FRMD4A: variants seen among roughly 807,000 people sequenced by gnomAD.
FRMD4A encodes the protein FERM domain containing 4A, also known as FERM domain-containing protein 4A.
FRMD4A carries 29 observed loss-of-function variants against 129.1 expected under a neutral mutation model. That is an observed-to-expected ratio of 0.22 (90% confidence interval 0.17 to 0.31). The LOEUF (loss-of-function observed/expected upper bound fraction) is 0.31. Ranked by LOEUF, FRMD4A falls within the 10% of genes least tolerant of loss-of-function variation. The pLI, the probability that FRMD4A is intolerant of heterozygous loss-of-function variation, is 1.00. For synonymous variants in FRMD4A, 634 were observed against 571.6 expected (o/e 1.11, Z -1.56); for missense variants, 1,272 against 1,375.8 (o/e 0.92, Z 1.19).
intron 14 of FRMD4A, among the ~76,000 whole-genome samples, chr10:13,697,864 CAA>C (rs776434159): frequency 1.1e-4 from 17 of 152,182 alleles, no homozygotes; most frequent in Non-Finnish European, 2.2e-4. Context: ...TATTTTCCTG[CAA>C]AGTCTCTAAG....
chr10:14,219,689 T>G (rs79223788), intron 2 of FRMD4A, among the ~76,000 whole-genome samples: 1 of 152,120 alleles, frequency 6.6e-6, no homozygotes. Context: ...CTAAGCCCCA[T>G]GTAACACCTT....
chr10:14,288,287 G>T (rs539803347), intron 2 of FRMD4A, among the ~76,000 whole-genome samples: 11 of 152,180 alleles, frequency 7.2e-5, no homozygotes, highest in Non-Finnish European at 1.6e-4. Context: ...AATCTCCAAA[G>T]CCCTCTCAGA....
intron 5 of FRMD4A, among the ~76,000 whole-genome samples, chr10:13,787,683 T>A (rs908678734): frequency 6.6e-6 from 1 of 151,900 alleles, no homozygotes; most frequent in African/African-American, 2.4e-5. Flanking sequence ...GGTCTTGAAC[T>A]CCTGAGCTCA....
intron 2 of FRMD4A, among the ~76,000 whole-genome samples, chr10:14,177,362 G>A (rs933109411): frequency 2.0e-5 from 3 of 151,934 alleles, no homozygotes; most frequent in Non-Finnish European, 4.4e-5. Flanking sequence ...CAGTAGAGAT[G>A]GGGTTTCGCT....
At chr10:13,993,804 T>C (rs934434349) in intron 2 of FRMD4A, among the ~76,000 whole-genome samples, 1 of 151,622 alleles carries the variant, frequency 6.6e-6, no homozygotes, top group Non-Finnish European at 1.5e-5. Flanking sequence ...TGTATTCAAA[T>C]ATATTTTAAA....
intron 2 of FRMD4A, chr10:13,991,796 G>C (rs1206547119): frequency 6.6e-6 from 1 of 152,600 alleles, no homozygotes; most frequent in South Asian, 2.1e-4. Context: ...AGGATTCCAT[G>C]CTGCTTGGCA....
intron 6 of FRMD4A, among the ~76,000 whole-genome samples, chr10:13,781,369 T>G (rs894957208): frequency 8.5e-4 from 32 of 37,812 alleles, no homozygotes; most frequent in African/African-American, 4.1e-3. Flanking sequence ...TGGATGAACC[T>G]TTTTTTTTTT....
At chr10:14,032,765 C>A (rs976196553) in intron 2 of FRMD4A, among the ~76,000 whole-genome samples, 1 of 152,216 alleles carries the variant, frequency 6.6e-6, no homozygotes, top group South Asian at 2.1e-4. Flanking sequence ...TAGGAGCCAG[C>A]ATCCCTGGAC....
chr10:14,036,306 T>C (rs529082032), intron 2 of FRMD4A, among the ~76,000 whole-genome samples: 7 of 152,138 alleles, frequency 4.6e-5, no homozygotes, highest in Non-Finnish European at 8.8e-5. Context: ...GCCCCATCAT[T>C]AGTTCAGGGT....
chr10:13,699,244 T>TG lies in FRMD4A; in HGVS notation c.975+2095_975+2096insC, dbSNP rs753299608. ...TTATTGTTTTTTTTTTTTTTTTTTTTTTTTGTATTTTTAGTAAAGACTGGG... is the reference window on the plus strand; with the variant it reads ...TTATTGTTTTTTTTTTTTTTTTTTTTGTTTTGTATTTTTAGTAAAGACTGGG... On this transcript the variant is annotated intron_variant, in intron 14 of 24. Coordinates refer to ENST00000357447, the MANE Select transcript of FRMD4A (RefSeq NM_018027.5). Among the ~76,000 whole-genome samples the TG allele has an allele frequency of 5.4e-3, 779 of 145,076 alleles. 4 individuals are homozygous for TG. Among genetic ancestry groups the TG allele is most frequent in the African/African-American group, 0.017 (687 of 39,432 alleles).
intron 2 of FRMD4A, among the ~76,000 whole-genome samples, chr10:14,009,622 A>C (rs1235205229): frequency 6.6e-6 from 1 of 152,248 alleles, no homozygotes; most frequent in Non-Finnish European, 1.5e-5. Context: ...AAAGAGGCGA[A>C]GGGTGCCACG....
chr10:13,964,880 T>C (rs1301763368), intron 2 of FRMD4A, among the ~76,000 whole-genome samples: 2 of 151,990 alleles, frequency 1.3e-5, no homozygotes, highest in African/African-American at 4.8e-5. Context: ...GAGATGGGGT[T>C]TCACCATGTT....
At chr10:14,238,489 G>C (rs1363496448) in intron 2 of FRMD4A, among the ~76,000 whole-genome samples, 1 of 152,016 alleles carries the variant, frequency 6.6e-6, no homozygotes, top group Non-Finnish European at 1.5e-5. Context: ...CTTCCTTTTT[G>C]AGCAAGAAGC....
intron 2 of FRMD4A, among the ~76,000 whole-genome samples, chr10:14,204,272 T>A (rs997616439): frequency 2.0e-5 from 3 of 151,764 alleles, no homozygotes; most frequent in Admixed American, 6.6e-5. Context: ...TATAAAAAAA[T>A]ACAAAAATTA....
intron 2 of FRMD4A, among the ~76,000 whole-genome samples, chr10:14,039,403 C>CTATCTATCT (rs1565204547): frequency 5.5e-4 from 78 of 141,400 alleles, no homozygotes; most frequent in African/African-American, 2.0e-3. Flanking sequence ...TCCATCCATC[C>CTATCTATCT]ATCCATCTAT....
chr10:13,702,376 T>C (rs1428666348), intron 13 of FRMD4A, among the ~76,000 whole-genome samples: 2 of 152,340 alleles, frequency 1.3e-5, no homozygotes, highest in Non-Finnish European at 2.9e-5. Context: ...GTCTATACAT[T>C]TTTAAATCTA....
At chr10:14,176,868 C>G (rs978377316) in intron 2 of FRMD4A, among the ~76,000 whole-genome samples, 1 of 152,190 alleles carries the variant, frequency 6.6e-6, no homozygotes, top group African/African-American at 2.4e-5. Context: ...AAGGAAATCA[C>G]TCTTGTTTAC....
chr10:13,691,208 T>C (rs937793256), intron 15 of FRMD4A, among the ~76,000 whole-genome samples: 1 of 152,200 alleles, frequency 6.6e-6, no homozygotes, highest in African/African-American at 2.4e-5. Context: ...GGCTGGTCTC[T>C]AACTCCTGGC....
chr10:14,135,990 G>T (rs1400586392), intron 2 of FRMD4A, among the ~76,000 whole-genome samples: 1 of 152,160 alleles, frequency 6.6e-6, no homozygotes, highest in African/African-American at 2.4e-5. Flanking sequence ...ACTGAATGTT[G>T]CTTGTCACCA....
Sources: allele counts gnomAD v4.1 joint callset (sites outside exome capture counted in the v4.1 genomes callset), GRCh38; gene constraint gnomAD v4.1.1; transcripts MANE v1.5; gene names NCBI Gene and HGNC (gene_info 2026-07-23, HGNC 2026-07-21).